The following ZNF623 variants were observed in gnomAD, a reference collection of about 807,000 sequenced individuals.
The protein encoded by ZNF623 is zinc finger protein 623.
ZNF623 carries 16 observed loss-of-function variants against 24.0 expected under a neutral mutation model. The ratio of observed to expected loss-of-function variants is 0.67; its 90% CI spans 0.45 to 1.01. The LOEUF (loss-of-function observed/expected upper bound fraction) is 1.01. Among genes scored for constraint, ZNF623 ranks in the 50% least tolerant of loss-of-function variants. The pLI, the probability that ZNF623 is intolerant of heterozygous loss-of-function variation, is 0.00. For missense variants in ZNF623, 566 were observed against 606.5 expected, an observed-to-expected ratio of 0.93 and a Z score of 0.70; for synonymous variants, 224 against 219.8, an observed-to-expected ratio of 1.02 and a Z score of -0.17.
Position 143,640,984 on chromosome 8 carries a change from C to T in ZNF623, c.-96+4839C>T, listed in dbSNP as rs150054788. 4.1e-3 allele frequency among the ~76,000 whole-genome samples: 578 copies of T among 141,360 alleles called. 4 individuals are homozygous for T. Among genetic ancestry groups the T allele is most frequent in the African/African-American group, 0.014 (556 of 38,774 alleles). The allele number at this position is 141,360 out of a possible 152,430, so 92.7% of individuals were successfully genotyped here. A position where few individuals can be genotyped will look rare whatever the true frequency, so the allele number is the denominator to read the frequency against. Reference sequence around the variant, plus strand: ...AAAAAAAAAAGCAGCAGCACCTCATCCATTCAAGTTTGATCACGAGATTGA... The same window carrying T: ...AAAAAAAAAAGCAGCAGCACCTCATTCATTCAAGTTTGATCACGAGATTGA... On this transcript the variant is annotated intron_variant, in intron 1 of 1. Transcript: ENST00000526926.
chr8:143,639,220 T>A (rs988823206), intron 1 of ZNF623, among the ~76,000 whole-genome samples: 3 of 145,836 alleles, frequency 2.1e-5, no homozygotes, highest in African/African-American at 7.7e-5. Context: ...TTTTTATTTT[T>A]ATTTATTTAT....
At position 143,646,053 on chromosome 8, in the gene ZNF623, T is replaced by C. The variant is rs113239750; in HGVS notation, c.-95-3845T>C. Among the ~76,000 whole-genome samples the C allele has an allele frequency of 1.4e-3, 219 of 152,218 alleles. 3 individuals carry two copies. Among genetic ancestry groups the C allele is most frequent in the African/African-American group, 4.7e-3 (194 of 41,526 alleles). On this transcript the variant is annotated intron_variant, in intron 1 of 1. Transcript: ENST00000526926. ...TACTAGAAGTGTTGGAGCTTTTTTT[T>C]TAATTAGAGACAGGGTCTCACTCTG...
Position 143,650,880 on chromosome 8 carries a change from G to A in ZNF623, c.888G>A (p.Gln296=). The A allele has an allele frequency of 6.2e-7, 1 of 1,614,118 alleles. No individual in the cohort carries two copies. Among genetic ancestry groups the A allele is most frequent in the Non-Finnish European group, 8.5e-7 (1 of 1,180,028 alleles). Residue 296 remains glutamine, a synonymous_variant, in exon 2 of 2, where the codon CAG becomes CAA. Coordinates refer to ENST00000526926, the MANE Select transcript of ZNF623 (RefSeq NM_001261843.2). This position sits in a 1 kb window ranked among gnomAD's most constrained non-coding sequence, Gnocchi z 5.2. The stretch of plus-strand genomic sequence containing the variant: ...TTATTCGGAGTTCAAAGCTCATTCA[G>A]CATCAGAGGATCCATACTGGGGAGA... ...KAFIRSSKLI[Q]HQRIHTGERP... is the part of the protein sequence containing the mutation.
rs1374092578 is a variant in ZNF623 at position 143,651,740 on chromosome 8, C to G, written c.*257C>G. On this transcript the variant is annotated 3_prime_UTR_variant, in exon 2 of 2. Coordinates refer to ENST00000526926, the MANE Select transcript of ZNF623 (RefSeq NM_001261843.2). ...GTAGGGGCAGGGAGAAGACAGGTCTCAAGAAAAGGTTTTTAAGAAGTTTCA... is the reference window on the plus strand; with the variant it reads ...GTAGGGGCAGGGAGAAGACAGGTCTGAAGAAAAGGTTTTTAAGAAGTTTCA... 1 of 438,142 alleles carries G rather than the reference C, an allele frequency of 2.3e-6. No individual in the cohort carries two copies. Among genetic ancestry groups the G allele is most frequent in the Non-Finnish European group, 4.2e-6 (1 of 240,152 alleles). The allele number at this position is 438,142 out of a possible 1,614,324, so 27.1% of individuals were successfully genotyped here. A position where few individuals can be genotyped will look rare whatever the true frequency, so the allele number is the denominator to read the frequency against.
In ZNF623 at chr8:143,650,409, C is replaced by T. The variant is rs778573982; in HGVS notation, c.417C>T (p.Tyr139=). The T allele has an allele frequency of 1.1e-5, 18 of 1,613,290 alleles. No homozygotes were observed. The highest frequency in any genetic ancestry group is 4.4e-5 in the South Asian group (4 of 90,940). ...GAATTCACACTGGAGAGAGACTCTA[C>T]GTCTGTAATGTGTGTGGGAAAGACT... ...HQRIHTGERL[Y]VCNVCGKDFI... is the part of the protein sequence containing the mutation. The change falls in exon 2 of 2, where the codon TAC becomes TAT. Residue 139 remains tyrosine, a synonymous_variant. Coordinates refer to ENST00000526926, the MANE Select transcript of ZNF623 (RefSeq NM_001261843.2). This position sits in a 1 kb window ranked among gnomAD's most constrained non-coding sequence, Gnocchi z 5.2.
chr8:143,649,623 CT>C (rs1291387325), intron 1 of ZNF623: 1 of 482,682 alleles, frequency 2.1e-6, no homozygotes, highest in African/African-American at 2.0e-5. Flanking sequence ...CCCTCTGCAA[CT>C]CATCCAGGAT....
chr8:143,636,056 T>G lies in ZNF623; in HGVS notation c.-185T>G, dbSNP rs1314701100. On this transcript the variant is annotated 5_prime_UTR_variant, in exon 1 of 2. Coordinates refer to ENST00000526926, the MANE Select transcript of ZNF623 (RefSeq NM_001261843.2). Reference sequence around the variant, plus strand: ...CGGCGGGCTGGCGGCGGTGCAGGCTTTGTCGGCTGATCTGTGGGGCCCGCG... The same window carrying G: ...CGGCGGGCTGGCGGCGGTGCAGGCTGTGTCGGCTGATCTGTGGGGCCCGCG... 6.6e-6 allele frequency: 1 copy of G among 152,372 alleles called. No homozygotes were observed. Among genetic ancestry groups the G allele is most frequent in the Non-Finnish European group, 1.5e-5 (1 of 68,208 alleles). The allele number at this position is 152,372 out of a possible 1,614,324, so 9.4% of individuals were successfully genotyped here. A position where few individuals can be genotyped will look rare whatever the true frequency, so the allele number is the denominator to read the frequency against.
At position 143,638,135 on chromosome 8, in the gene ZNF623, G is replaced by A. The variant is rs150561413; in HGVS notation, c.-96+1990G>A. On this transcript the variant is annotated intron_variant, in intron 1 of 1. Coordinates refer to ENST00000526926, the MANE Select transcript of ZNF623 (RefSeq NM_001261843.2). ...AGGCGGGCAGATCATGAGGTCAAGA[G>A]TTCGAGACCAGCCTGACCAACATGG... is the stretch of plus-strand genomic sequence containing the variant. Among the ~76,000 whole-genome samples the A allele has an allele frequency of 6.8e-3, 1,042 of 152,190 alleles. 13 individuals are homozygous for A. Among genetic ancestry groups the A allele is most frequent in the African/African-American group, 0.023 (961 of 41,532 alleles).
At chr8:143,643,643 C>G (rs763728918) in intron 1 of ZNF623, among the ~76,000 whole-genome samples, 1 of 152,242 alleles carries the variant, frequency 6.6e-6, no homozygotes, top group Non-Finnish European at 1.5e-5. Context: ...TGTGCCCCTG[C>G]CAGTGACAGT....
At chr8:143,642,009 T>G (rs1250854835) in intron 1 of ZNF623, among the ~76,000 whole-genome samples, 2 of 152,216 alleles carry the variant, frequency 1.3e-5, no homozygotes, top group East Asian at 3.8e-4. Flanking sequence ...GCCTGTCCTT[T>G]TCAATCTTTG....
chr8:143,648,519 G>A (rs1815222283), intron 1 of ZNF623, among the ~76,000 whole-genome samples: 1 of 152,050 alleles, frequency 6.6e-6, no homozygotes, highest in African/African-American at 2.4e-5. Flanking sequence ...GTAGTAATTG[G>A]TGGGACATGG....
At chr8:143,641,411 T>G (rs1563697471) in intron 1 of ZNF623, among the ~76,000 whole-genome samples, 1 of 151,872 alleles carries the variant, frequency 6.6e-6, no homozygotes, top group Non-Finnish European at 1.5e-5. Context: ...TCAGAGCTCT[T>G]GGGTGACCAG....
intron 1 of ZNF623, among the ~76,000 whole-genome samples, chr8:143,648,379 CCT>C (rs1435058609): frequency 6.6e-6 from 1 of 151,958 alleles, no homozygotes; most frequent in African/African-American, 2.4e-5. Flanking sequence ...ATAGCTGACC[CCT>C]GATATGGTGA....
rs528985315 is a variant in ZNF623, at chr8:143,646,488, C to T, written c.-95-3410C>T. 3.3e-5 allele frequency among the ~76,000 whole-genome samples: 5 copies of T among 152,236 alleles called. No homozygotes were observed. In the South Asian group the frequency reaches 8.3e-4, roughly 25 times the overall value. On this transcript the variant is annotated intron_variant, in intron 1 of 1. Coordinates refer to ENST00000526926, the MANE Select transcript of ZNF623 (RefSeq NM_001261843.2). ...GAACAAAGTTCCTGCCCACACAGCA[C>T]TCACATACTTGTGGGGGAGACAACA...
At chr8:143,648,253 A>G (rs1815216134) in intron 1 of ZNF623, among the ~76,000 whole-genome samples, 2 of 152,296 alleles carry the variant, frequency 1.3e-5, no homozygotes, top group Admixed American at 6.5e-5. Flanking sequence ...GGGAGGAGCT[A>G]TCAGTGAGGC....
intron 1 of ZNF623, among the ~76,000 whole-genome samples, chr8:143,643,316 G>A (rs992231692): frequency 1.3e-5 from 2 of 152,228 alleles, no homozygotes; most frequent in Non-Finnish European, 2.9e-5. Context: ...GTGACCCTGC[G>A]TGGAGATCCC....
At chr8:143,647,239 C>G (rs1345664273) in intron 1 of ZNF623, among the ~76,000 whole-genome samples, 1 of 152,180 alleles carries the variant, frequency 6.6e-6, no homozygotes, top group East Asian at 1.9e-4. Flanking sequence ...TGGCTCACTG[C>G]AAGCTCCGCC....
chr8:143,650,819 A>T lies in ZNF623; in HGVS notation c.827A>T (p.Glu276Val). The change falls in exon 2 of 2, where the codon GAG becomes GTG. Residue 276 changes from glutamate (E) to valine (V), a missense_variant. Physicochemically the swap from Glu to Val is moderately radical, Grantham distance 121. Coordinates refer to ENST00000526926, the MANE Select transcript of ZNF623 (RefSeq NM_001261843.2). The surrounding 1 kb of genome is among the most constrained non-coding windows in gnomAD (Gnocchi z 5.2). ...GAACACCAGAGAATTCACACCGGAG[A>T]GAGACCCTTTGAATGCAATGAGTGT... ...LIEHQRIHTG[E>V]RPFECNECGK... The T allele has an allele frequency of 6.2e-7, 1 of 1,614,228 alleles. No individual in the cohort carries two copies. The highest frequency in any genetic ancestry group is 1.1e-5 in the South Asian group (1 of 91,084).
Position 143,647,395 on chromosome 8 carries a change from C to T in ZNF623, c.-95-2503C>T, listed in dbSNP as rs544318342. Among the ~76,000 whole-genome samples the T allele has an allele frequency of 4.6e-5, 7 of 152,262 alleles. No homozygotes were observed. The South Asian group carries it at 1.5e-3, about 32-fold the overall frequency. On this transcript the variant is annotated intron_variant, in intron 1 of 1. Transcript: ENST00000526926. The stretch of plus-strand genomic sequence containing the variant: ...GCCAGGATGGTCTCGATCTCCTGAC[C>T]TCGTGGTCCGCCCGCCTCTGCCTCC...
Sources: gnomAD v4.1 joint callset for allele counts (sites outside exome capture counted in the v4.1 genomes callset) on GRCh38, gnomAD v4.1.1 for gene constraint, Gnocchi (gnomAD v3.1) non-coding constraint, MANE v1.5 for transcripts, NCBI Gene and HGNC (gene_info 2026-07-23, HGNC 2026-07-21) for gene names.